RIMS2: variants seen among roughly 807,000 people sequenced by gnomAD.
The protein encoded by RIMS2 is regulating synaptic membrane exocytosis protein 2.
A neutral mutation model predicts 174.4 loss-of-function variants in RIMS2; 59 were observed. The ratio of observed to expected loss-of-function variants is 0.34; its 90% CI spans 0.27 to 0.42. The LOEUF (loss-of-function observed/expected upper bound fraction) is 0.42, where lower values mean the gene tolerates loss of function less well. RIMS2 is among the 10% of genes least tolerant of loss of function. The pLI is 1.00. For synonymous variants in RIMS2, 606 were observed against 572.5 expected (o/e 1.06, Z -0.84); for missense variants, 1,620 against 1,666.3 (o/e 0.97, Z 0.48).
intron 19 of RIMS2, among the ~76,000 whole-genome samples, chr8:104,114,939 G>T (rs2098256200): frequency 6.6e-6 from 1 of 151,766 alleles, no homozygotes; most frequent in South Asian, 2.1e-4. Flanking sequence ...ATAAATATAA[G>T]AACACGTGCA....
At chr8:104,025,248 T>C (rs960953611) in intron 19 of RIMS2, among the ~76,000 whole-genome samples, 2 of 152,132 alleles carry the variant, frequency 1.3e-5, no homozygotes, top group African/African-American at 4.8e-5. Flanking sequence ...ATCCCAAAGC[T>C]TTAGGAGACT....
At chr8:103,628,730 C>T (rs1216532097) in intron 1 of RIMS2, among the ~76,000 whole-genome samples, 13 of 141,304 alleles carry the variant, frequency 9.2e-5, no homozygotes, top group Admixed American at 3.6e-4. Flanking sequence ...AACCCACAAC[C>T]GAGAAACATC....
rs573511547 is a variant in RIMS2 at position 103,981,320 on chromosome 8, A to T, written c.2927+5814A>T. ...GATCCAGAGAATTATTCTGGATCTT[A>T]TCAAAGACCACCAAGGTGGTACCTC... On this transcript the variant is annotated intron_variant, in intron 16 of 23. Coordinates refer to ENST00000504942, the Ensembl canonical transcript of RIMS2. Among the ~76,000 whole-genome samples the T allele has an allele frequency of 1.1e-4, 17 of 152,326 alleles. 1 individual carries two copies. Among genetic ancestry groups the T allele is most frequent in the Admixed American group, 1.1e-3 (17 of 15,300 alleles).
At chr8:104,008,159 A>G (rs2095648599) in intron 17 of RIMS2, among the ~76,000 whole-genome samples, 1 of 152,124 alleles carries the variant, frequency 6.6e-6, no homozygotes, top group African/African-American at 2.4e-5. Context: ...AGAATCTGGG[A>G]AGTGATAAAG....
intron 1 of RIMS2, among the ~76,000 whole-genome samples, chr8:103,611,628 A>C (rs2095369398): frequency 6.6e-6 from 1 of 152,012 alleles, no homozygotes; most frequent in African/African-American, 2.4e-5. Flanking sequence ...GCCTGTGAAA[A>C]GTCAGCCACC....
intron 1 of RIMS2, among the ~76,000 whole-genome samples, chr8:103,582,868 C>T (rs1244981958): frequency 6.6e-6 from 1 of 152,208 alleles, no homozygotes; most frequent in East Asian, 1.9e-4. Flanking sequence ...GACCTCCCTG[C>T]CCTGAAGAGG....
At chr8:103,515,838 C>A in intron 1 of RIMS2, among the ~76,000 whole-genome samples, 1 of 152,082 alleles carries the variant, frequency 6.6e-6, no homozygotes, top group Admixed American at 6.6e-5. Context: ...TTTGGTACAT[C>A]TTTGCAGGAC....
At chr8:103,593,703 TC>T (rs1238721332) in intron 1 of RIMS2, among the ~76,000 whole-genome samples, 1 of 151,448 alleles carries the variant, frequency 6.6e-6, no homozygotes, top group Non-Finnish European at 1.5e-5. Context: ...AATATTATTT[TC>T]TCAGTAAATC....
intron 19 of RIMS2, among the ~76,000 whole-genome samples, chr8:104,152,143 G>A (rs917011392): frequency 6.6e-6 from 1 of 152,066 alleles, no homozygotes; most frequent in Admixed American, 6.6e-5. Flanking sequence ...GTAGTTATAG[G>A]TTTTTGTCTC....
chr8:104,159,643 A>T (rs909398896), intron 19 of RIMS2, among the ~76,000 whole-genome samples: 1 of 151,958 alleles, frequency 6.6e-6, no homozygotes, highest in African/African-American at 2.4e-5. Context: ...GTGGTATCTC[A>T]TTGTGGTTTG....
At chr8:104,239,034 C>G (rs965512507) in intron 19 of RIMS2, among the ~76,000 whole-genome samples, 1 of 152,102 alleles carries the variant, frequency 6.6e-6, no homozygotes, top group Non-Finnish European at 1.5e-5. Context: ...GTAGATGAGA[C>G]CTTGCAGGTG....
intron 3 of RIMS2, among the ~76,000 whole-genome samples, chr8:103,829,461 C>T (rs922432408): frequency 3.3e-5 from 5 of 152,154 alleles, no homozygotes; most frequent in Admixed American, 2.6e-4. Context: ...ATAGAATCAA[C>T]GTAGATGTCC....
intron 19 of RIMS2, among the ~76,000 whole-genome samples, chr8:104,022,790 C>T (rs2096138473): frequency 6.6e-6 from 1 of 152,138 alleles, no homozygotes; most frequent in South Asian, 2.1e-4. Context: ...TTTTTATACA[C>T]ACACTTATAA....
chr8:103,755,415 G>C (rs887633912), intron 2 of RIMS2, among the ~76,000 whole-genome samples: 3 of 152,116 alleles, frequency 2.0e-5, no homozygotes, highest in Non-Finnish European at 4.4e-5. Context: ...TCTTGGGGTT[G>C]CTCTTCTCGA....
chr8:104,174,332 T>C (rs1405792268), intron 19 of RIMS2, among the ~76,000 whole-genome samples: 1 of 152,126 alleles, frequency 6.6e-6, no homozygotes, highest in African/African-American at 2.4e-5. Context: ...GACTAGTTAA[T>C]AGGTTTCTTG....
intron 1 of RIMS2, among the ~76,000 whole-genome samples, chr8:103,630,913 GTCT>G (rs2095902685): frequency 6.6e-6 from 1 of 152,096 alleles, no homozygotes; most frequent in East Asian, 1.9e-4. Context: ...CTGCACATAT[GTCT>G]TCTTTTGAGA....
At chr8:103,882,810 T>G (rs2099174487) in intron 3 of RIMS2, among the ~76,000 whole-genome samples, 1 of 151,672 alleles carries the variant, frequency 6.6e-6, no homozygotes, top group Non-Finnish European at 1.5e-5. Flanking sequence ...GTAAATATTC[T>G]TATTTATCTG....
intron 1 of RIMS2, among the ~76,000 whole-genome samples, chr8:103,642,597 C>T (rs2096252268): frequency 6.6e-6 from 1 of 151,758 alleles, no homozygotes; most frequent in African/African-American, 2.4e-5. Context: ...TTTAATATTC[C>T]TTGCAAGGCA....
At chr8:103,825,323 A>T (rs1176028104) in intron 3 of RIMS2, among the ~76,000 whole-genome samples, 1 of 151,928 alleles carries the variant, frequency 6.6e-6, no homozygotes, top group African/African-American at 2.4e-5. Context: ...TCTCTCTGTC[A>T]CCCAGGCTGG....
Sources: allele counts gnomAD v4.1 joint callset (sites outside exome capture counted in the v4.1 genomes callset), GRCh38; gene constraint gnomAD v4.1.1; transcripts MANE v1.5; gene names NCBI Gene and HGNC (gene_info 2026-07-23, HGNC 2026-07-21).